CYSLTR2: variants seen among roughly 807,000 people sequenced by gnomAD.
CYSLTR2 encodes cysteinyl leukotriene receptor 2, also known as G-protein coupled receptor GPCR21.
For synonymous variants in CYSLTR2, 179 were observed against 160.8 expected, an observed-to-expected ratio of 1.11 and a Z score of -0.86; for missense variants, 398 against 411.9, an observed-to-expected ratio of 0.97 and a Z score of 0.29.
intron 1 of CYSLTR2, among the ~76,000 whole-genome samples, chr13:48,666,087 T>A (rs1953254320): frequency 6.6e-6 from 1 of 152,174 alleles, no homozygotes; most frequent in Non-Finnish European, 1.5e-5. Flanking sequence ...AAGGCTGGTC[T>A]AGTGGTGATA....
chr13:48,675,857 T>C (rs1221352687), intron 1 of CYSLTR2, among the ~76,000 whole-genome samples: 1 of 152,064 alleles, frequency 6.6e-6, no homozygotes, highest in African/African-American at 2.4e-5. Flanking sequence ...AATAGCATCA[T>C]CCCCCATGGC....
At chr13:48,658,623 T>G (rs1172302636) in intron 1 of CYSLTR2, among the ~76,000 whole-genome samples, 2 of 151,990 alleles carry the variant, frequency 1.3e-5, no homozygotes, top group Non-Finnish European at 2.9e-5. Context: ...AGCCAAGACA[T>G]GGAGGGATCA....
intron 4 of CYSLTR2, 111 bp from the exon 5 acceptor site, chr13:48,706,706 G>A (rs1487778019): frequency 2.5e-6 from 2 of 810,240 alleles, no homozygotes; most frequent in Non-Finnish European, 3.9e-6. Context: ...TCAAAGAAAA[G>A]ATAGTATTGC....
At position 48,707,734 on chromosome 13, in the gene CYSLTR2, A is replaced by G. The variant is rs1166600625; in HGVS notation, c.917A>G (p.Tyr306Cys). ...GCCTGCTTCAATCCTCTGCTCTATT[A>G]CTTTGCTGGGGAGAATTTTAAGGAC... is the stretch of plus-strand genomic sequence containing the variant. Reference protein sequence around the residue: ...ANACFNPLLYYFAGENFKDRL... With the variant: ...ANACFNPLLYCFAGENFKDRL... The change falls in exon 5 of 5, where the codon TAC becomes TGC. Residue 306 changes from tyrosine (Y) to cysteine (C), a missense_variant. Transcript: ENST00000682523. 1 of 1,609,512 alleles carries G rather than the reference A, an allele frequency of 6.2e-7. No homozygotes were observed. The highest frequency in any genetic ancestry group is 8.5e-7 in the Non-Finnish European group (1 of 1,177,166).
chr13:48,682,362 G>A (rs1291168678), intron 1 of CYSLTR2, among the ~76,000 whole-genome samples: 1 of 152,100 alleles, frequency 6.6e-6, no homozygotes, highest in Non-Finnish European at 1.5e-5. Flanking sequence ...TAATTTTGTT[G>A]TATTCGCTTT....
intron 1 of CYSLTR2, among the ~76,000 whole-genome samples, chr13:48,680,576 G>A (rs1953720638): frequency 6.6e-6 from 1 of 152,096 alleles, no homozygotes; most frequent in African/African-American, 2.4e-5. Context: ...TCTTCATTCT[G>A]TATTTGTTCT....
chr13:48,664,288 G>A, intron 1 of CYSLTR2, among the ~76,000 whole-genome samples: 1 of 151,510 alleles, frequency 6.6e-6, no homozygotes, highest in Middle Eastern at 3.2e-3. Flanking sequence ...AGTTTTTTTT[G>A]TTGTTGTTGT....
intron 2 of CYSLTR2, among the ~76,000 whole-genome samples, chr13:48,691,776 C>A (rs1265072839): frequency 6.6e-6 from 1 of 151,784 alleles, no homozygotes; most frequent in Non-Finnish European, 1.5e-5. Flanking sequence ...CATGAGCATT[C>A]TTTTTTTAAC....
intron 1 of CYSLTR2, among the ~76,000 whole-genome samples, chr13:48,688,533 T>C (rs1162799355): frequency 6.6e-6 from 1 of 152,226 alleles, no homozygotes; most frequent in Non-Finnish European, 1.5e-5. Flanking sequence ...CTGTGTTAGT[T>C]TGCTGAGAAT....
intron 4 of CYSLTR2, among the ~76,000 whole-genome samples, chr13:48,705,816 A>T (rs1446574580): frequency 1.3e-5 from 2 of 151,522 alleles, no homozygotes; most frequent in South Asian, 4.1e-4. Flanking sequence ...GTTTCAAAAC[A>T]TTAAATGTAA....
At chr13:48,669,295 T>TA (rs1203571740) in intron 1 of CYSLTR2, among the ~76,000 whole-genome samples, 30 of 151,712 alleles carry the variant, frequency 2.0e-4, no homozygotes, top group African/African-American at 6.8e-4. Flanking sequence ...TTTTTTTTTT[T>TA]AATTTAAGTT....
At chr13:48,672,696 C>A (rs1953472617) in intron 1 of CYSLTR2, among the ~76,000 whole-genome samples, 3 of 149,416 alleles carry the variant, frequency 2.0e-5, no homozygotes, top group African/African-American at 7.4e-5. Flanking sequence ...CAGCTCACTG[C>A]AACCTCCGCC....
At chr13:48,693,048 A>T (rs1027814311) in intron 2 of CYSLTR2, among the ~76,000 whole-genome samples, 2 of 151,790 alleles carry the variant, frequency 1.3e-5, no homozygotes, top group Admixed American at 1.3e-4. Context: ...GTAGCATTGT[A>T]AGAATTTTAT....
intron 4 of CYSLTR2, 191 bp from the exon 5 acceptor site, chr13:48,706,626 A>C: frequency 4.5e-5 from 23 of 507,232 alleles, no homozygotes; most frequent in East Asian, 1.0e-4. Flanking sequence ...AAAATCAGGA[A>C]ATTTAAATTT....
chr13:48,688,984 T>G (rs1229200503), intron 1 of CYSLTR2, among the ~76,000 whole-genome samples: 1 of 152,234 alleles, frequency 6.6e-6, no homozygotes, highest in Non-Finnish European at 1.5e-5. Flanking sequence ...AATGTGGTTT[T>G]GATTTGCATG....
chr13:48,659,185 C>G (rs1036647928), intron 1 of CYSLTR2, among the ~76,000 whole-genome samples: 1 of 152,182 alleles, frequency 6.6e-6, no homozygotes, highest in Non-Finnish European at 1.5e-5. Flanking sequence ...TCCTGGCCCT[C>G]TCTCCTTTAG....
intron 1 of CYSLTR2, among the ~76,000 whole-genome samples, chr13:48,690,895 TG>T (rs139584843): frequency 0.16 from 24,752 of 152,112 alleles, 2,149 homozygotes; most frequent in Middle Eastern, 0.29. Context: ...GGGCTTTTTT[TG>T]GTTGGTAGGC....
At position 48,707,669 on chromosome 13, in the gene CYSLTR2, T is replaced by C. The variant is rs200191766; in HGVS notation, c.852T>C (p.His284=). The C allele has an allele frequency of 1.2e-6, 2 of 1,614,172 alleles. No homozygotes were observed. The highest frequency in any genetic ancestry group is 1.7e-6 in the Non-Finnish European group (2 of 1,180,016). ...TGGGTTTATGCAAAGACAGACTGCA[T>C]AAAGCTTTGGTTATCACACTGGCCT... ...WKVGLCKDRL[H]KALVITLALA... Residue 284 remains histidine (H), a synonymous_variant, in exon 5 of 5, where the codon CAT becomes CAC. Coordinates refer to ENST00000682523, the MANE Select transcript of CYSLTR2 (RefSeq NM_001308476.3).
intron 4 of CYSLTR2, among the ~76,000 whole-genome samples, chr13:48,706,144 C>T (rs986536160): frequency 6.6e-6 from 1 of 151,736 alleles, no homozygotes; most frequent in East Asian, 1.9e-4. Flanking sequence ...TGACAGGTGC[C>T]TGCCACTGGG....
Sources: gnomAD v4.1 joint callset for allele counts (sites outside exome capture counted in the v4.1 genomes callset) on GRCh38, gnomAD v4.1.1 for gene constraint, MANE v1.5 for transcripts, NCBI Gene and HGNC (gene_info 2026-07-23, HGNC 2026-07-21) for gene names.